The following SPATA17 variants were observed in gnomAD, a reference collection of about 807,000 sequenced individuals.
SPATA17 encodes the protein spermatogenesis associated 17.
In SPATA17, 53 loss-of-function variants were observed where a neutral mutation model predicts 62.2. That is an observed-to-expected ratio of 0.85 (90% CI 0.68 to 1.07). The LOEUF (loss-of-function observed/expected upper bound fraction) is 1.07. Ranked by LOEUF, SPATA17 falls within the 50% of genes least tolerant of loss-of-function variation. The pLI is 0.00. For synonymous variants in SPATA17, 146 were observed against 146.8 expected, an observed-to-expected ratio of 0.99 and a Z score of 0.04; for missense variants, 466 against 425.5, an observed-to-expected ratio of 1.10 and a Z score of -0.84.
intron 1 of SPATA17, among the ~76,000 whole-genome samples, chr1:217,631,686 A>T (rs1029141799): frequency 1.3e-5 from 2 of 152,192 alleles, no homozygotes; most frequent in South Asian, 4.1e-4. Context: ...CCCAGCATAG[A>T]TAAAATTGTA....
At chr1:217,732,113 A>G (rs1428564327) in intron 5 of SPATA17, among the ~76,000 whole-genome samples, 1 of 113,558 alleles carries the variant, frequency 8.8e-6, no homozygotes, top group African/African-American at 3.1e-5. Flanking sequence ...TCTCTGTCTC[A>G]CCACTATTTT....
At chr1:217,655,009 C>A (rs1670410054) in intron 3 of SPATA17, among the ~76,000 whole-genome samples, 1 of 152,052 alleles carries the variant, frequency 6.6e-6, no homozygotes, top group Non-Finnish European at 1.5e-5. Flanking sequence ...CGCACCCAGC[C>A]CTACATAATC....
chr1:217,719,632 G>GA (rs1334011075), intron 5 of SPATA17, among the ~76,000 whole-genome samples: 2 of 152,180 alleles, frequency 1.3e-5, no homozygotes, highest in Admixed American at 6.5e-5. Context: ...TTTGAACTGA[G>GA]AAAATATAAT....
intron 4 of SPATA17, 35 bp from the exon 5 acceptor site, chr1:217,683,223 A>G: frequency 2.1e-6 from 3 of 1,431,838 alleles, no homozygotes; most frequent in Non-Finnish European, 2.9e-6. Context: ...AAAAGTGTTT[A>G]ATGGCATATT....
Position 217,814,318 on chromosome 1 carries a change from T to A in SPATA17, c.1005+12468T>A, listed in dbSNP as rs1674664061. ...AAACTGAGAGATCTCTCCATTAGAT[T>A]ATTAATAGCTGTACAGCTCTGAAGA... is the stretch of plus-strand genomic sequence containing the variant. On this transcript the variant is annotated intron_variant, in intron 9 of 10. Coordinates refer to ENST00000366933, the MANE Select transcript of SPATA17 (RefSeq NM_138796.4). Among the ~76,000 whole-genome samples the A allele has an allele frequency of 4.6e-5, 7 of 152,186 alleles. No individual in the cohort carries two copies. In the South Asian group the frequency reaches 1.4e-3, roughly 32 times the overall value.
Position 217,770,978 on chromosome 1 carries a change from A to ATTTTTTTTTTTTTTTTTT in SPATA17, c.520-3343_520-3326dup, listed in dbSNP as rs374042087. 8.2e-4 allele frequency among the ~76,000 whole-genome samples: 41 copies of ATTTTTTTTTTTTTTTTTT among 50,148 alleles called. 4 individuals carry two copies. The highest frequency in any genetic ancestry group is 2.2e-3 in the African/African-American group (25 of 11,570). The allele number at this position is 50,148 out of a possible 152,430, so 32.9% of individuals were successfully genotyped here. On this transcript the variant is annotated intron_variant, in intron 6 of 10. Coordinates refer to ENST00000366933, the MANE Select transcript of SPATA17 (RefSeq NM_138796.4). ...ATGTATCTATTATATAACTCATTGC[A>ATTTTTTTTTTTTTTTTTT]TTTTTTTTTTTTTTTTTTTTTTTTT...
Position 217,868,146 on chromosome 1 carries a change from A to G in SPATA17, c.*1127A>G, listed in dbSNP as rs1676055328. 6.6e-6 allele frequency: 1 copy of G among 152,210 alleles called. No homozygotes were observed. Among genetic ancestry groups the G allele is most frequent in the African/African-American group, 2.4e-5 (1 of 41,466 alleles). The allele number at this position is 152,210 out of a possible 1,614,324, so 9.4% of individuals were successfully genotyped here. ...AAATTGTAAAATAAAAGATCTTTTGAAACAATTGGAAGTTTGAACACTGAT... is the reference window on the plus strand; with the variant it reads ...AAATTGTAAAATAAAAGATCTTTTGGAACAATTGGAAGTTTGAACACTGAT... On this transcript the variant is annotated 3_prime_UTR_variant, in exon 11 of 11. Coordinates refer to ENST00000366933, the MANE Select transcript of SPATA17 (RefSeq NM_138796.4).
intron 7 of SPATA17, among the ~76,000 whole-genome samples, chr1:217,775,878 G>T (rs1460871576): frequency 6.6e-6 from 1 of 151,844 alleles, no homozygotes; most frequent in African/African-American, 2.4e-5. Flanking sequence ...ATTAAATCTT[G>T]TTATATTGAA....
chr1:217,849,046 T>C (rs1675588983), intron 9 of SPATA17, among the ~76,000 whole-genome samples: 1 of 152,184 alleles, frequency 6.6e-6, no homozygotes, highest in Non-Finnish European at 1.5e-5. Context: ...TTCTAATACT[T>C]CTTAGAAAGT....
In SPATA17 at chr1:217,867,471, C is replaced by T. The variant is rs769313288; in HGVS notation, c.*452C>T. 6.6e-6 allele frequency: 1 copy of T among 152,156 alleles called. No individual in the cohort carries two copies. The allele number at this position is 152,156 out of a possible 1,614,324, so 9.4% of individuals were successfully genotyped here. On this transcript the variant is annotated 3_prime_UTR_variant, in exon 11 of 11. Coordinates refer to ENST00000366933, the MANE Select transcript of SPATA17 (RefSeq NM_138796.4). The stretch of plus-strand genomic sequence containing the variant: ...CCTGAGAAATAATGACTGATTATAC[C>T]AGTTAGAAACCCTTCAGACTGTTGA...
chr1:217,795,713 A>G (rs1255723962), intron 8 of SPATA17, among the ~76,000 whole-genome samples: 4 of 152,126 alleles, frequency 2.6e-5, no homozygotes, highest in Admixed American at 6.5e-5. Flanking sequence ...CTAGTTGGCC[A>G]TGAGTCCCCT....
intron 9 of SPATA17, among the ~76,000 whole-genome samples, chr1:217,847,341 T>C (rs956115871): frequency 6.6e-6 from 1 of 152,118 alleles, no homozygotes; most frequent in African/African-American, 2.4e-5. Context: ...AACCAAAATT[T>C]ACCTACACAT....
intron 5 of SPATA17, among the ~76,000 whole-genome samples, chr1:217,736,806 G>A (rs192617429): frequency 6.6e-6 from 1 of 152,264 alleles, no homozygotes; most frequent in Admixed American, 6.5e-5. Flanking sequence ...TACTTGCTCA[G>A]AAAATAGCAA....
At chr1:217,735,201 C>T (rs566598448) in intron 5 of SPATA17, among the ~76,000 whole-genome samples, 4 of 152,292 alleles carry the variant, frequency 2.6e-5, no homozygotes, top group African/African-American at 9.6e-5. Flanking sequence ...TCAGTTTGGG[C>T]TGCTGTAGCA....
At chr1:217,861,466 A>T (rs1675896315) in intron 9 of SPATA17, among the ~76,000 whole-genome samples, 1 of 151,184 alleles carries the variant, frequency 6.6e-6, no homozygotes, top group South Asian at 2.1e-4. Flanking sequence ...CAACAAAAAA[A>T]GTCACTGATG....
chr1:217,754,354 T>A (rs1672990914), intron 6 of SPATA17, among the ~76,000 whole-genome samples: 1 of 152,202 alleles, frequency 6.6e-6, no homozygotes, highest in Non-Finnish European at 1.5e-5. Flanking sequence ...CCTTTTTTAA[T>A]CACTAATTAA....
At chr1:217,864,077 G>C (rs1361669013) in intron 10 of SPATA17, among the ~76,000 whole-genome samples, 1 of 152,098 alleles carries the variant, frequency 6.6e-6, no homozygotes, top group Non-Finnish European at 1.5e-5. Context: ...ATACATGAGG[G>C]GAAATATGAA....
At chr1:217,782,110 G>T (rs750663181) in intron 7 of SPATA17, 64 bp from the exon 8 acceptor site, 622 of 1,450,470 alleles carry the variant, frequency 4.3e-4, no homozygotes, top group Middle Eastern at 5.5e-4. Context: ...CACTAGCCTT[G>T]GTCATCAGTA....
chr1:217,657,163 C>T (rs991391444), intron 3 of SPATA17, among the ~76,000 whole-genome samples: 1 of 152,162 alleles, frequency 6.6e-6, no homozygotes, highest in African/African-American at 2.4e-5. Flanking sequence ...AGCTGATATC[C>T]TTAGCACTTA....
Sources: allele counts gnomAD v4.1 joint callset (sites outside exome capture counted in the v4.1 genomes callset), GRCh38; gene constraint gnomAD v4.1.1; transcripts MANE v1.5; gene names NCBI Gene and HGNC (gene_info 2026-07-23, HGNC 2026-07-21).